Variants in TRPM8 observed in about 807,000 individuals in gnomAD.
TRPM8 encodes transient receptor potential cation channel subfamily M member 8, also known as TRPM8 cationic channel.
TRPM8 carries 110 observed loss-of-function variants against 133.7 expected under a neutral mutation model. The ratio of observed to expected loss-of-function variants is 0.82; its 90% CI spans 0.70 to 0.96. The LOEUF (loss-of-function observed/expected upper bound fraction) is 0.96. Among genes scored for constraint, TRPM8 ranks in the 40% least tolerant of loss-of-function variants. TRPM8 has a pLI of 0.00. For missense variants in TRPM8, 1,291 were observed against 1,379.5 expected (o/e 0.94, Z 1.02); for synonymous variants, 535 against 532.3 (o/e 1.01, Z -0.07).
intron 25 of TRPM8, among the ~76,000 whole-genome samples, chr2:234,015,430 C>T (rs1044297469): frequency 2.1e-4 from 32 of 151,836 alleles, no homozygotes; most frequent in Non-Finnish European, 2.8e-4. Context: ...TCTCCTTCCT[C>T]TCTTCCCTTC....
At position 233,960,765 on chromosome 2, in the gene TRPM8, T is replaced by C. The variant is rs559860147; in HGVS notation, c.1363-11T>C. 6.2e-7 allele frequency: 1 copy of C among 1,612,398 alleles called. No individual in the cohort carries two copies. The highest frequency in any genetic ancestry group is 2.2e-5 in the East Asian group (1 of 44,872). On this transcript the variant is annotated splice_polypyrimidine_tract_variant and intron_variant, in intron 11 of 25. Transcript: ENST00000324695. ...AGTATTGTTAGTACTGTCTCTGTTC[T>C]TTCTCCTTAGTCTGCTGACCTTCAA...
chr2:233,945,784 A>G, intron 6 of TRPM8, 72 bp from the exon 7 acceptor site: 3 of 1,377,048 alleles, frequency 2.2e-6, no homozygotes, highest in East Asian at 2.3e-5. Flanking sequence ...TTTCATATGA[A>G]TATAGAAAAA....
chr2:234,008,227 C>T, intron 24 of TRPM8, 124 bp downstream of exon 24: 1 of 975,204 alleles, frequency 1.0e-6, no homozygotes. Context: ...AATTCACTGT[C>T]TAAGAGCAGG....
chr2:233,938,880 C>A, intron 4 of TRPM8, 118 bp from the exon 5 acceptor site: 1 of 1,173,112 alleles, frequency 8.5e-7, no homozygotes, highest in Non-Finnish European at 1.2e-6. Context: ...CTGCTGCCCC[C>A]ACCCCGCCCC....
Position 233,954,021 on chromosome 2 carries a change from T to G in TRPM8, c.1243+2T>G. 3 of 1,579,142 alleles carry G rather than the reference T, an allele frequency of 1.9e-6. No individual in the cohort carries two copies. The highest frequency in any genetic ancestry group is 2.6e-6 in the Non-Finnish European group (3 of 1,163,400). On this transcript the variant is annotated splice_donor_variant, in intron 10 of 25. Coordinates refer to ENST00000324695, the MANE Select transcript of TRPM8 (RefSeq NM_024080.5). LOFTEE classifies it high-confidence loss of function. ...CCATCTCCTACGCTCTATACAAAGGTGAGTAAAAATAGCTCCTTTTGAAGT... is the reference window on the plus strand; with the variant it reads ...CCATCTCCTACGCTCTATACAAAGGGGAGTAAAAATAGCTCCTTTTGAAGT...
At chr2:233,969,236 T>C (rs1691646677) in intron 15 of TRPM8, among the ~76,000 whole-genome samples, 1 of 151,740 alleles carries the variant, frequency 6.6e-6, no homozygotes, top group African/African-American at 2.4e-5. Context: ...CCCAGCACTT[T>C]GGGAGGCCGA....
chr2:233,928,232 G>A (rs965541844), intron 2 of TRPM8, among the ~76,000 whole-genome samples: 1 of 152,016 alleles, frequency 6.6e-6, no homozygotes, highest in African/African-American at 2.4e-5. Context: ...GCCTCCCAAA[G>A]TGCTGGGATC....
chr2:233,986,284 T>C (rs1357576676), intron 21 of TRPM8, among the ~76,000 whole-genome samples: 1 of 152,232 alleles, frequency 6.6e-6, no homozygotes, highest in Non-Finnish European at 1.5e-5. Context: ...AATTACTGTT[T>C]TAAATTTTTC....
At chr2:233,944,573 C>A (rs1269062268) in intron 6 of TRPM8, among the ~76,000 whole-genome samples, 2 of 152,022 alleles carry the variant, frequency 1.3e-5, no homozygotes, top group Non-Finnish European at 2.9e-5. Flanking sequence ...AAGAAACAAC[C>A]AACCACCCAA....
At chr2:233,927,904 T>TCTCTC (rs1691590032) in intron 2 of TRPM8, among the ~76,000 whole-genome samples, 1 of 60,180 alleles carries the variant, frequency 1.7e-5, no homozygotes, top group East Asian at 9.2e-4. Flanking sequence ...CTTTCTTTCT[T>TCTCTC]TCTTTCTCTC....
chr2:234,007,436 T>C lies in TRPM8; in HGVS notation c.3230+484T>C, dbSNP rs564676506. On this transcript the variant is annotated intron_variant, in intron 23 of 25. Coordinates refer to ENST00000324695, the MANE Select transcript of TRPM8 (RefSeq NM_024080.5). Reference sequence around the variant, plus strand: ...GAAAAATCCTGAATTCATTTATGAATCGCATGAAGCTGTTATAAAATCCAT... The same window carrying C: ...GAAAAATCCTGAATTCATTTATGAACCGCATGAAGCTGTTATAAAATCCAT... Among the ~76,000 whole-genome samples the C allele has an allele frequency of 3.3e-5, 5 of 152,334 alleles. No homozygotes were observed. In the South Asian group the frequency reaches 1.0e-3, roughly 32 times the overall value.
intron 1 of TRPM8, among the ~76,000 whole-genome samples, chr2:233,923,289 T>C (rs1193475001): frequency 6.6e-6 from 1 of 152,226 alleles, no homozygotes; most frequent in African/African-American, 2.4e-5. Context: ...TTCTTTATCT[T>C]GGGGAAGATT....
At chr2:233,936,106 C>A (rs6721957) in intron 3 of TRPM8, among the ~76,000 whole-genome samples, 4 of 152,068 alleles carry the variant, frequency 2.6e-5, no homozygotes, top group African/African-American at 9.7e-5. Flanking sequence ...TCATGGCAAG[C>A]CTGACAGGGG....
chr2:233,979,534 G>A (rs746943977), intron 17 of TRPM8, among the ~76,000 whole-genome samples: 1 of 151,052 alleles, frequency 6.6e-6, no homozygotes, highest in Non-Finnish European at 1.5e-5. Flanking sequence ...TTCCCTCTTC[G>A]GGAAAATGCG....
At chr2:233,938,836 C>G (rs1437872533) in intron 4 of TRPM8, among the ~76,000 whole-genome samples, 162 bp from the exon 5 acceptor site, 2 of 152,136 alleles carry the variant, frequency 1.3e-5, no homozygotes, top group African/African-American at 2.4e-5. Context: ...GGCCTTGGCA[C>G]GGCGCCCGCC....
At chr2:233,991,010 A>G (rs900912746) in intron 21 of TRPM8, among the ~76,000 whole-genome samples, 6 of 152,158 alleles carry the variant, frequency 3.9e-5, no homozygotes, top group Admixed American at 6.5e-5. Context: ...GGGGGAGCCT[A>G]GGATCTGCAG....
chr2:233,980,398 G>T (rs1691977290), intron 18 of TRPM8, 119 bp downstream of exon 18: 1 of 644,904 alleles, frequency 1.6e-6, no homozygotes, highest in Non-Finnish European at 2.6e-6. Context: ...TATTACACAA[G>T]ACCATGGTGT....
chr2:233,921,677 C>CTTTTTTTTTTTTTTTTTTTT (rs11373529), intron 1 of TRPM8, among the ~76,000 whole-genome samples: 1 of 106,660 alleles, frequency 9.4e-6, no homozygotes, highest in African/African-American at 3.8e-5. Flanking sequence ...CTTTTCTTTT[C>CTTTTTTTTTTTTTTTTTTTT]TTTTTTTTTT....
chr2:233,930,374 G>A (rs1474514685), intron 2 of TRPM8, among the ~76,000 whole-genome samples: 1 of 152,032 alleles, frequency 6.6e-6, no homozygotes, highest in Non-Finnish European at 1.5e-5. Flanking sequence ...TATTCTCCCT[G>A]GTAGCCTTAG....
Sources: allele counts gnomAD v4.1 joint callset (sites outside exome capture counted in the v4.1 genomes callset), GRCh38; gene constraint gnomAD v4.1.1; transcripts MANE v1.5; gene names NCBI Gene and HGNC (gene_info 2026-07-23, HGNC 2026-07-21).